The following ABHD2 variants were observed in gnomAD, a reference collection of about 807,000 sequenced individuals.
ABHD2 encodes the protein abhydrolase domain containing 2, acylglycerol lipase, also known as monoacylglycerol lipase ABHD2.
ABHD2 carries 20 observed loss-of-function variants against 48.1 expected under a neutral mutation model. The observed-to-expected ratio is 0.42, with a 90% CI of 0.29 to 0.60. The LOEUF is 0.60. ABHD2 is among the 20% of genes least tolerant of loss of function. The pLI is 0.24. For synonymous variants in ABHD2, 209 were observed against 214.2 expected (o/e 0.98, Z 0.21); for missense variants, 405 against 550.9 (o/e 0.74, Z 2.65).
At chr15:89,143,158 A>T (rs1020780008) in intron 3 of ABHD2, among the ~76,000 whole-genome samples, 2 of 152,168 alleles carry the variant, frequency 1.3e-5, no homozygotes, top group Non-Finnish European at 2.9e-5. Context: ...TGCGGCTGTT[A>T]GTTCCACCAA....
intron 1 of ABHD2, among the ~76,000 whole-genome samples, chr15:89,107,066 C>T (rs2049797891): frequency 6.6e-6 from 1 of 152,028 alleles, no homozygotes; most frequent in Non-Finnish European, 1.5e-5. Context: ...CTGGGAGATC[C>T]AGGCTAGGCA....
chr15:89,145,620 T>C (rs1051044622), intron 3 of ABHD2, among the ~76,000 whole-genome samples: 1 of 152,176 alleles, frequency 6.6e-6, no homozygotes. Flanking sequence ...CTGCCTAGCA[T>C]TCATTCTTCC....
At chr15:89,170,294 AC>A (rs2050904871) in intron 5 of ABHD2, among the ~76,000 whole-genome samples, 1 of 150,946 alleles carries the variant, frequency 6.6e-6, no homozygotes, top group Non-Finnish European at 1.5e-5. Context: ...ACAGGGTTTC[AC>A]CATGTTGGCC....
intron 3 of ABHD2, among the ~76,000 whole-genome samples, chr15:89,149,769 GT>G (rs1401666037): frequency 6.6e-6 from 1 of 152,230 alleles, no homozygotes; most frequent in East Asian, 1.9e-4. Context: ...GTTGGGCCTG[GT>G]AGTTTAGGTT....
chr15:89,081,725 C>G, the ABHD2 span, among the ~76,000 whole-genome samples: 2 of 152,030 alleles, frequency 1.3e-5, no homozygotes, highest in Non-Finnish European at 1.5e-5. Flanking sequence ...GTGGCGCACG[C>G]GTGTAATCCC....
At chr15:89,058,420 G>A in the ABHD2 span, among the ~76,000 whole-genome samples, 2 of 152,160 alleles carry the variant, frequency 1.3e-5, no homozygotes, top group Admixed American at 1.3e-4. Context: ...AGAAAATGAA[G>A]ATGCCCCGCA....
intron 1 of ABHD2, among the ~76,000 whole-genome samples, chr15:89,098,600 C>T (rs1385108892): frequency 1.3e-5 from 2 of 152,194 alleles, no homozygotes; most frequent in Non-Finnish European, 2.9e-5. Flanking sequence ...GCAGTTCCCT[C>T]CTCTATTCTG....
rs1335246099 is a variant in ABHD2 at position 89,100,743 on chromosome 15, C to T, written c.-107+12180C>T. 3.9e-5 allele frequency among the ~76,000 whole-genome samples: 6 copies of T among 152,070 alleles called. No individual in the cohort carries two copies. The highest frequency in any genetic ancestry group is 2.6e-4 in the Admixed American group (4 of 15,262). On this transcript the variant is annotated intron_variant, in intron 1 of 10. Transcript: ENST00000352732. The surrounding 1 kb of genome is among the most constrained non-coding windows in gnomAD (Gnocchi z 4.4). Reference sequence around the variant, plus strand: ...AATTAGCCAGGTGTGGTGGCGGGCACCTGTAATACCAGCTACTCGGGAGGC... The same window carrying T: ...AATTAGCCAGGTGTGGTGGCGGGCATCTGTAATACCAGCTACTCGGGAGGC...
rs2051023620 is a variant in ABHD2, at chr15:89,176,917, T to C, written c.722+922T>C. On this transcript the variant is annotated intron_variant, in intron 6 of 10. Coordinates refer to ENST00000352732, the MANE Select transcript of ABHD2 (RefSeq NM_152924.5). The surrounding 1 kb of genome is among the most constrained non-coding windows in gnomAD (Gnocchi z 4.5). The stretch of plus-strand genomic sequence containing the variant: ...CTTTTTGCCTCACCTGTATATCTCA[T>C]GCTGCAGTTTAAACATACCTTGTTA... Among the ~76,000 whole-genome samples the C allele has an allele frequency of 6.6e-6, 1 of 152,236 alleles. No individual in the cohort carries two copies. Among genetic ancestry groups the C allele is most frequent in the Non-Finnish European group, 1.5e-5 (1 of 68,044 alleles).
rs1008193313 is a variant in ABHD2 at position 89,128,408 on chromosome 15, C to T, written c.194+11887C>T. On this transcript the variant is annotated intron_variant, in intron 3 of 10. Coordinates refer to ENST00000352732, the MANE Select transcript of ABHD2 (RefSeq NM_152924.5). Reference sequence around the variant, plus strand: ...CACCTTTGTCCTTTTGTCCTGTGGGCCTTCCAACCAGTCAGCAGGATAAGA... The same window carrying T: ...CACCTTTGTCCTTTTGTCCTGTGGGTCTTCCAACCAGTCAGCAGGATAAGA... Among the ~76,000 whole-genome samples the T allele has an allele frequency of 2.0e-5, 3 of 152,164 alleles. No homozygotes were observed. The East Asian group carries it at 5.8e-4, about 29-fold the overall frequency.
the ABHD2 span, among the ~76,000 whole-genome samples, chr15:89,055,566 C>A: frequency 6.6e-6 from 1 of 152,114 alleles, no homozygotes; most frequent in Admixed American, 6.5e-5. Flanking sequence ...AACTCTGGAC[C>A]ACAAGCGATC....
chr15:89,103,149 T>C (rs1473625074), intron 1 of ABHD2, among the ~76,000 whole-genome samples: 1 of 152,214 alleles, frequency 6.6e-6, no homozygotes, highest in Non-Finnish European at 1.5e-5. Context: ...AATGCAAAGA[T>C]GTGATAAAGT....
At chr15:89,052,684 G>A in the ABHD2 span, among the ~76,000 whole-genome samples, 2 of 151,956 alleles carry the variant, frequency 1.3e-5, no homozygotes, top group East Asian at 3.9e-4. Flanking sequence ...CACAAGCAGG[G>A]GAGCAGCATG....
chr15:89,086,290 G>A (rs1434116416), upstream of ABHD2, among the ~76,000 whole-genome samples: 1 of 152,082 alleles, frequency 6.6e-6, no homozygotes, highest in African/African-American at 2.4e-5. Flanking sequence ...GCCTCCCAAA[G>A]TGCTGGGATT....
chr15:89,186,970 T>G lies in ABHD2; in HGVS notation c.816-1223T>G, dbSNP rs750675138. ...AGAGCAGAGGGAGACTTATGTCCCCTGTGCTGGCTGGAAAATCAGCTGTTC... is the reference window on the plus strand; with the variant it reads ...AGAGCAGAGGGAGACTTATGTCCCCGGTGCTGGCTGGAAAATCAGCTGTTC... On this transcript the variant is annotated intron_variant, in intron 7 of 10. Transcript: ENST00000352732. The surrounding 1 kb of genome is among the most constrained non-coding windows in gnomAD (Gnocchi z 4.3). Among the ~76,000 whole-genome samples, 1 of 152,230 alleles carries G rather than the reference T, an allele frequency of 6.6e-6. No homozygotes were observed. The highest frequency in any genetic ancestry group is 1.5e-5 in the Non-Finnish European group (1 of 68,034).
intron 5 of ABHD2, among the ~76,000 whole-genome samples, chr15:89,157,433 C>A (rs1359934643): frequency 6.6e-6 from 1 of 152,146 alleles, no homozygotes; most frequent in Non-Finnish European, 1.5e-5. Flanking sequence ...TGCTTTGTGC[C>A]AAGCAGGGTG....
At position 89,155,645 on chromosome 15, in the gene ABHD2, A is replaced by T; in HGVS notation, c.538+111A>T. 1 of 1,342,862 alleles carries T rather than the reference A, an allele frequency of 7.4e-7. No homozygotes were observed. The highest frequency in any genetic ancestry group is 1.0e-6 in the Non-Finnish European group (1 of 983,646). 83.2% of individuals were successfully genotyped at this position (1,342,862 alleles called of 1,614,324 possible). On this transcript the variant is annotated intron_variant, in intron 5 of 10. Coordinates refer to ENST00000352732, the MANE Select transcript of ABHD2 (RefSeq NM_152924.5). The surrounding 1 kb of genome is among the most constrained non-coding windows in gnomAD (Gnocchi z 4.9). Reference sequence around the variant, plus strand: ...TTAAACCTATGCCCATCTGCAAGAGATGGTAGGTCACACGGTTATATCAAC... The same window carrying T: ...TTAAACCTATGCCCATCTGCAAGAGTTGGTAGGTCACACGGTTATATCAAC...
At chr15:89,042,068 C>CT in the ABHD2 span, among the ~76,000 whole-genome samples, 1 of 152,224 alleles carries the variant, frequency 6.6e-6, no homozygotes, top group Non-Finnish European at 1.5e-5. Flanking sequence ...GAGCACTCAT[C>CT]TAAGCCCTTT....
At chr15:89,060,922 T>C in the ABHD2 span, among the ~76,000 whole-genome samples, 2 of 151,882 alleles carry the variant, frequency 1.3e-5, no homozygotes, top group African/African-American at 4.8e-5. Context: ...AATAATGAAA[T>C]CATGTCCTTT....
Sources: gnomAD v4.1 joint callset for allele counts (sites outside exome capture counted in the v4.1 genomes callset) on GRCh38, gnomAD v4.1.1 for gene constraint, Gnocchi (gnomAD v3.1) non-coding constraint, MANE v1.5 for transcripts, NCBI Gene and HGNC (gene_info 2026-07-23, HGNC 2026-07-21) for gene names.